Variants in ANKLE2 observed in about 807,000 individuals in gnomAD.
The protein encoded by ANKLE2 is ankyrin repeat and LEM domain-containing protein 2.
In ANKLE2, 55 loss-of-function variants were observed where a neutral mutation model predicts 84.2. The ratio of observed to expected loss-of-function variants is 0.65; its 90% CI spans 0.53 to 0.82. ANKLE2 has a LOEUF of 0.82. ANKLE2 is among the 40% of genes least tolerant of loss of function. ANKLE2 has a pLI of 0.00. For missense variants in ANKLE2, 1,238 were observed against 1,201.9 expected, an observed-to-expected ratio of 1.03 and a Z score of -0.44; for synonymous variants, 551 against 486.1, an observed-to-expected ratio of 1.13 and a Z score of -1.76.
chr12:132,730,136 C>G lies in ANKLE2; in HGVS notation c.2026G>C (p.Ala676Pro), dbSNP rs376479500. ...VGAFGHTRCSAFPLEQEADLI... is the reference protein window; with the variant it reads ...VGAFGHTRCSPFPLEQEADLI... The stretch of plus-strand genomic sequence containing the variant: ...TCTGCCTCCTGCTCCAAGGGGAAGG[C>G]GCTGCACCTCGTATGTCCAAAAGCA... The change falls in exon 11 of 13, where the codon GCC becomes CCC. Residue 676 changes from alanine (A) to proline (P), a missense_variant. Physicochemically the swap from Ala to Pro is conservative, Grantham distance 27. Transcript: ENST00000357997. The G allele has an allele frequency of 6.2e-7, 1 of 1,612,406 alleles. No individual in the cohort carries two copies. Among genetic ancestry groups the G allele is most frequent in the African/African-American group, 1.3e-5 (1 of 75,020 alleles).
In ANKLE2 at chr12:132,730,124, C is replaced by T. The variant is rs78905764; in HGVS notation, c.2038G>A (p.Glu680Lys). Residue 680 changes from glutamate (E) to lysine (K), a missense_variant, in exon 11 of 13, where the codon GAG becomes AAG. Glu to Lys is a moderately conservative substitution (Grantham distance 56). Coordinates refer to ENST00000357997, the MANE Select transcript of ANKLE2 (RefSeq NM_015114.3). The stretch of plus-strand genomic sequence containing the variant: ...GCTTCTATGAGGTCTGCCTCCTGCT[C>T]CAAGGGGAAGGCGCTGCACCTCGTA... The part of the protein sequence containing the change: ...GHTRCSAFPL[E>K]QEADLIEAAE... The T allele has an allele frequency of 0.07, 112,726 of 1,612,270 alleles. 4,359 individuals carry two copies. Among genetic ancestry groups the T allele is most frequent in the East Asian group, 0.11 (4,959 of 44,852 alleles).
At chr12:132,748,067 A>G (rs928552176) in intron 4 of ANKLE2, 47 bp from the exon 5 acceptor site, 1 of 1,603,728 alleles carries the variant, frequency 6.2e-7, no homozygotes, top group African/African-American at 1.3e-5. Context: ...ATGTGTGGAC[A>G]CGCCCTGTGC....
rs2043823865 is a variant in ANKLE2 at position 132,730,654 on chromosome 12, C to T, written c.1892-384G>A. ...CTGGGCAACATAGCGAAACCCCGTTCTCTATAGAAAAATTAGCTGACATGG... is the reference window on the plus strand; with the variant it reads ...CTGGGCAACATAGCGAAACCCCGTTTTCTATAGAAAAATTAGCTGACATGG... On this transcript the variant is annotated intron_variant, in intron 10 of 12. Coordinates refer to ENST00000357997, the MANE Select transcript of ANKLE2 (RefSeq NM_015114.3). 2.3e-5 allele frequency: 5 copies of T among 217,714 alleles called. No homozygotes were observed. In the East Asian group the frequency reaches 4.4e-4, roughly 19 times the overall value. The allele number at this position is 217,714 out of a possible 1,614,324, so 13.5% of individuals were successfully genotyped here.
rs2044025299 is a variant in ANKLE2 at position 132,737,031 on chromosome 12, C to T, written c.1455G>A (p.Glu485=). 3 of 1,609,096 alleles carry T rather than the reference C, an allele frequency of 1.9e-6. No individual in the cohort carries two copies. Among genetic ancestry groups the T allele is most frequent in the Non-Finnish European group, 2.6e-6 (3 of 1,176,290 alleles). ...GCTCCCCGATGACTGGAGAAGAAGTCTCTTCCGCTCTCAGGAGGGGCACGT... is the reference window on the plus strand; with the variant it reads ...GCTCCCCGATGACTGGAGAAGAAGTTTCTTCCGCTCTCAGGAGGGGCACGT... The part of the protein sequence containing the change: ...HYYVPLLRAE[E]TSSPVIGELW... The change falls in exon 8 of 13, where the codon GAG becomes GAA. Residue 485 remains glutamate (E), a synonymous_variant. Coordinates refer to ENST00000357997, the MANE Select transcript of ANKLE2 (RefSeq NM_015114.3).
chr12:132,760,856 G>C (rs996144140), intron 1 of ANKLE2: 2 of 152,224 alleles, frequency 1.3e-5, no homozygotes, highest in Non-Finnish European at 2.9e-5. Context: ...GGGTGGGGCT[G>C]AAAGTCCCCA....
chr12:132,729,185 TAC>T (rs1566008797), intron 11 of ANKLE2, among the ~76,000 whole-genome samples: 1 of 150,104 alleles, frequency 6.7e-6, no homozygotes, highest in African/African-American at 2.5e-5. Context: ...ACCCCATCTC[TAC>T]TAAAAATACA....
chr12:132,733,214 C>T (rs546742861), intron 10 of ANKLE2, among the ~76,000 whole-genome samples: 52 of 144,734 alleles, frequency 3.6e-4, no homozygotes, highest in Admixed American at 5.5e-4. Context: ...GTGAAGCTCT[C>T]TGCGTCCTGG....
chr12:132,736,581 C>G (rs773935004), intron 8 of ANKLE2, among the ~76,000 whole-genome samples: 1 of 152,204 alleles, frequency 6.6e-6, no homozygotes, highest in East Asian at 1.9e-4. Context: ...GTGCCTAGGA[C>G]GGGCCATCAA....
rs763044353 is a variant in ANKLE2 at position 132,736,843 on chromosome 12, A to G, written c.1593+50T>C. The G allele has an allele frequency of 3.4e-5, 52 of 1,535,798 alleles. 1 individual carries two copies. The South Asian group carries it at 5.5e-4, about 16-fold the overall frequency. On this transcript the variant is annotated intron_variant, in intron 8 of 12. Transcript: ENST00000357997. The stretch of plus-strand genomic sequence containing the variant: ...AACAGGCTGGAACACCCAGCAGCAC[A>G]GTATAGGGACAGCCAGGCACCACTT...
chr12:132,754,643 G>C (rs2044434943), intron 2 of ANKLE2, 32 bp downstream of exon 2: 1 of 1,562,980 alleles, frequency 6.4e-7, no homozygotes, highest in Non-Finnish European at 8.7e-7. Context: ...TGTGCTATCT[G>C]TGTGAGGAAA....
At position 132,733,438 on chromosome 12, in the gene ANKLE2, C is replaced by T. The variant is rs564999812; in HGVS notation, c.1891+947G>A. 1.3e-4 allele frequency among the ~76,000 whole-genome samples: 19 copies of T among 147,408 alleles called. 1 individual carries two copies. In the South Asian group the frequency reaches 2.8e-3, roughly 22 times the overall value. On this transcript the variant is annotated intron_variant, in intron 10 of 12. Transcript: ENST00000357997. ...GGTGTCTGATATGCACCGTGTGAAG[C>T]TCTCTGCGTGCTGGTGTCTGATATA...
chr12:132,735,572 A>C, intron 8 of ANKLE2, 60 bp from the exon 9 acceptor site: 1 of 1,403,532 alleles, frequency 7.1e-7, no homozygotes, highest in East Asian at 2.3e-5. Context: ...AGCTGCGGAA[A>C]CCTGAAGAGC....
chr12:132,752,079 G>A (rs368745936), intron 2 of ANKLE2, among the ~76,000 whole-genome samples: 5 of 151,850 alleles, frequency 3.3e-5, no homozygotes, highest in East Asian at 3.9e-4. Context: ...GGTGGCTCAC[G>A]CCTGTAATCC....
intron 1 of ANKLE2, chr12:132,758,038 T>C (rs574065626): frequency 1.3e-5 from 2 of 150,518 alleles, no homozygotes; most frequent in African/African-American, 4.9e-5. Context: ...AAGGGTATGG[T>C]TGTATTCCAA....
At position 132,761,669 on chromosome 12, in the gene ANKLE2, G is replaced by T. The variant is rs1293684749; in HGVS notation, c.130C>A (p.Arg44Ser). ...RLGPRPGGLG[R>S]SGTPVPPPSA... ...GGCGGAGGAACTGGGGTCCCGCTGC[G>T]GCCCAGACCTCCCGGCCGCGGGCCC... Residue 44 changes from arginine (R) to serine (S), a missense_variant, in exon 1 of 13, where the codon CGC (arginine) becomes AGC (serine). Around this residue, in one of 3 missense-constraint regions of ANKLE2, gnomAD observed 422 missense variants for 394.5 expected, o/e 1.07. Coordinates refer to ENST00000357997, the MANE Select transcript of ANKLE2 (RefSeq NM_015114.3). The T allele has an allele frequency of 1.5e-6, 2 of 1,315,246 alleles. No homozygotes were observed. Among genetic ancestry groups the T allele is most frequent in the Non-Finnish European group, 1.9e-6 (2 of 1,029,890 alleles). 81.5% of individuals were successfully genotyped at this position (1,315,246 alleles called of 1,614,324 possible).
rs1224634999 is a variant in ANKLE2 at position 132,729,666 on chromosome 12, AAC to A, written c.2483+11_2483+12del. The A allele has an allele frequency of 6.4e-7, 1 of 1,568,332 alleles. No individual in the cohort carries two copies. The highest frequency in any genetic ancestry group is 8.7e-7 in the Non-Finnish European group (1 of 1,155,346). On this transcript the variant is annotated intron_variant, in intron 11 of 12. Coordinates refer to ENST00000357997, the MANE Select transcript of ANKLE2 (RefSeq NM_015114.3). ...GGGAAGGAAAGTGAGTGCAGAGGGC[AAC>A]ACACTCCTACCCAAAAAGGAAGAGC...
intron 5 of ANKLE2, among the ~76,000 whole-genome samples, chr12:132,746,875 A>T (rs1421466446): frequency 6.6e-6 from 1 of 152,134 alleles, no homozygotes; most frequent in Non-Finnish European, 1.5e-5. Flanking sequence ...CAGTGTATAA[A>T]ACTTGCTTCT....
chr12:132,751,297 T>G (rs559446886), intron 2 of ANKLE2: 1 of 155,370 alleles, frequency 6.4e-6, no homozygotes, highest in African/African-American at 2.4e-5. Context: ...CAAGCTCAAG[T>G]GCAGTGGCAC....
At chr12:132,748,526 C>T (rs1385619574) in intron 3 of ANKLE2, among the ~76,000 whole-genome samples, 195 bp from the exon 4 acceptor site, 1 of 152,162 alleles carries the variant, frequency 6.6e-6, no homozygotes, top group African/African-American at 2.4e-5. Flanking sequence ...AGCCAGCGTG[C>T]CCGTCAGCAG....
Sources: allele counts gnomAD v4.1 joint callset (sites outside exome capture counted in the v4.1 genomes callset), GRCh38; gene constraint gnomAD v4.1.1; regional missense constraint gnomAD v4.1.1; transcripts MANE v1.5; gene names NCBI Gene and HGNC (gene_info 2026-07-23, HGNC 2026-07-21).